The following OPCML variants were observed in gnomAD, a reference collection of about 807,000 sequenced individuals.
OPCML encodes opioid binding protein/cell adhesion molecule like.
OPCML carries 13 observed loss-of-function variants against 37.8 expected under a neutral mutation model. That is an observed-to-expected ratio of 0.34 (90% CI 0.22 to 0.55). The LOEUF is 0.55. Ranked by LOEUF, OPCML falls within the 20% of genes least tolerant of loss-of-function variation. The probability of loss-of-function intolerance (pLI) is 0.91; values close to 1 mark genes in which losing one functional copy is unlikely to be tolerated. For synonymous variants in OPCML, 176 were observed against 168.8 expected (o/e 1.04, Z -0.33); for missense variants, 341 against 435.6 (o/e 0.78, Z 1.93).
At chr11:132,553,002 G>A (rs2096385840) in intron 3 of OPCML, among the ~76,000 whole-genome samples, 1 of 152,132 alleles carries the variant, frequency 6.6e-6, no homozygotes, top group Admixed American at 6.5e-5. Context: ...CTGACCTCGT[G>A]ATCCACCCAC....
chr11:133,262,661 C>T lies in OPCML; in HGVS notation c.61+269603G>A, dbSNP rs150406563. Among the ~76,000 whole-genome samples the T allele has an allele frequency of 6.6e-3, 1,009 of 152,286 alleles. 10 individuals carry two copies. The highest frequency in any genetic ancestry group is 0.023 in the African/African-American group (937 of 41,564). ...TTGCCAACGCTATGAATATCTTGAGCCCTCTCGTGTGGCTTCCTATCCAGG... is the reference window on the plus strand; with the variant it reads ...TTGCCAACGCTATGAATATCTTGAGTCCTCTCGTGTGGCTTCCTATCCAGG... On this transcript the variant is annotated intron_variant, in intron 1 of 7. Transcript: ENST00000524381.
intron 3 of OPCML, among the ~76,000 whole-genome samples, chr11:132,625,913 G>A (rs182479569): frequency 2.1e-4 from 32 of 152,080 alleles, no homozygotes; most frequent in African/African-American, 7.7e-4. Flanking sequence ...TGGAACTATA[G>A]GCTGTCTTCT....
At chr11:132,672,987 CTT>C (rs1290593339) in intron 2 of OPCML, among the ~76,000 whole-genome samples, 1 of 152,046 alleles carries the variant, frequency 6.6e-6, no homozygotes, top group Non-Finnish European at 1.5e-5. Flanking sequence ...AAATAAGAGA[CTT>C]TGCTCTTCTT....
chr11:132,705,315 G>T (rs973474211), intron 2 of OPCML, among the ~76,000 whole-genome samples: 9 of 152,176 alleles, frequency 5.9e-5, no homozygotes, highest in East Asian at 3.9e-4. Context: ...GGCTGGCTGG[G>T]CACTGTGGTT....
chr11:132,571,208 G>T (rs2096437610), intron 3 of OPCML, among the ~76,000 whole-genome samples: 1 of 152,000 alleles, frequency 6.6e-6, no homozygotes, highest in African/African-American at 2.4e-5. Flanking sequence ...CCAGTGGTTT[G>T]CTGGGGGGTC....
chr11:132,982,829 GCTCT>G (rs1171811096), intron 1 of OPCML, among the ~76,000 whole-genome samples: 3 of 152,130 alleles, frequency 2.0e-5, no homozygotes, highest in South Asian at 2.1e-4. Context: ...TAATAAGCCA[GCTCT>G]CTCTATGAGC....
At chr11:132,829,597 A>T (rs528754925) in intron 2 of OPCML, among the ~76,000 whole-genome samples, 7 of 152,318 alleles carry the variant, frequency 4.6e-5, no homozygotes, top group Admixed American at 3.9e-4. Flanking sequence ...AGGGCAAAAG[A>T]TCATGCTTCT....
intron 4 of OPCML, among the ~76,000 whole-genome samples, chr11:132,522,763 C>T (rs2096297075): frequency 6.6e-6 from 1 of 152,172 alleles, no homozygotes; most frequent in South Asian, 2.1e-4. Context: ...CTCTGAAGTC[C>T]ATGTTCTGCC....
chr11:133,046,445 A>T (rs1948018471), intron 1 of OPCML, among the ~76,000 whole-genome samples: 1 of 152,088 alleles, frequency 6.6e-6, no homozygotes, highest in Non-Finnish European at 1.5e-5. Flanking sequence ...CCATTCTTAC[A>T]GTCTGTTCTT....
At chr11:132,585,431 T>G (rs186852197) in intron 3 of OPCML, among the ~76,000 whole-genome samples, 1 of 152,332 alleles carries the variant, frequency 6.6e-6, no homozygotes, top group East Asian at 1.9e-4. Context: ...CTTTTGGGAT[T>G]TATCTGCTTC....
intron 1 of OPCML, among the ~76,000 whole-genome samples, chr11:133,062,047 C>A (rs1948352299): frequency 6.6e-6 from 1 of 152,172 alleles, no homozygotes; most frequent in African/African-American, 2.4e-5. Context: ...TGTAAAGACA[C>A]CTTTCCTAGT....
Position 132,782,917 on chromosome 11 carries a change from G to GTGTGTATA in OPCML, c.147-125599_147-125598insTATACACA, listed in dbSNP as rs376141259. Among the ~76,000 whole-genome samples, 638 of 125,070 alleles carry GTGTGTATA rather than the reference G, an allele frequency of 5.1e-3. 3 individuals carry two copies. The highest frequency in any genetic ancestry group is 0.017 in the African/African-American group (600 of 34,412). The allele number at this position is 125,070 out of a possible 152,430, so 82.1% of individuals were successfully genotyped here. On this transcript the variant is annotated intron_variant, in intron 2 of 7. Transcript: ENST00000524381. ...AATATGTAATATATATATAGTGTGT[G>GTGTGTATA]TATATATATATATATATATATATAT...
chr11:133,287,275 C>CTTTCT (rs1555131097), intron 1 of OPCML, among the ~76,000 whole-genome samples: 163 of 120,974 alleles, frequency 1.3e-3, no homozygotes, highest in East Asian at 3.2e-3. Context: ...TTCTTTCTTT[C>CTTTCT]TTTTTTTTTT....
At chr11:132,937,598 GTGTGTGT>G (rs1565353452) in intron 2 of OPCML, among the ~76,000 whole-genome samples, 1,599 of 87,680 alleles carry the variant, frequency 0.018, 28 homozygotes, top group South Asian at 0.059. Context: ...TGTGTGGGGT[GTGTGTGT>G]GTGTGTGTGT....
chr11:132,944,850 G>A (rs557841292), intron 1 of OPCML, among the ~76,000 whole-genome samples: 1 of 152,310 alleles, frequency 6.6e-6, no homozygotes, highest in South Asian at 2.1e-4. Flanking sequence ...GTTGCTATGT[G>A]CATCTGCTCT....
chr11:133,317,192 A>C (rs1943224345), intron 1 of OPCML, among the ~76,000 whole-genome samples: 1 of 152,224 alleles, frequency 6.6e-6, no homozygotes, highest in South Asian at 2.1e-4. Context: ...GCGAGATGCT[A>C]TGTCAAAAAA....
intron 1 of OPCML, among the ~76,000 whole-genome samples, chr11:133,347,541 T>C (rs963773614): frequency 2.6e-5 from 4 of 152,156 alleles, no homozygotes; most frequent in African/African-American, 9.7e-5. Context: ...CTGTATCCAA[T>C]ATGGAATTTA....
chr11:133,303,490 G>A (rs1271666267), intron 1 of OPCML, among the ~76,000 whole-genome samples: 1 of 152,192 alleles, frequency 6.6e-6, no homozygotes, highest in Non-Finnish European at 1.5e-5. Context: ...CGGTTGGCCT[G>A]TTGGTTCATC....
At chr11:132,509,827 G>C (rs1252879827) in intron 4 of OPCML, among the ~76,000 whole-genome samples, 1 of 152,236 alleles carries the variant, frequency 6.6e-6, no homozygotes, top group East Asian at 1.9e-4. Flanking sequence ...AGTGCAGAAG[G>C]GATATGTGGG....
Sources: allele counts gnomAD v4.1 joint callset (sites outside exome capture counted in the v4.1 genomes callset), GRCh38; gene constraint gnomAD v4.1.1; transcripts MANE v1.5; gene names NCBI Gene and HGNC (gene_info 2026-07-23, HGNC 2026-07-21).